Variants in SYT12 observed in about 807,000 individuals in gnomAD.
SYT12 encodes synaptotagmin 12.
SYT12 carries 27 observed loss-of-function variants against 39.5 expected under a neutral mutation model. That is an observed-to-expected ratio of 0.68 (90% CI 0.50 to 0.94). The LOEUF is 0.94. Among genes scored for constraint, SYT12 ranks in the 40% least tolerant of loss-of-function variants. The pLI is 0.00. For missense variants in SYT12, 536 were observed against 572.6 expected, an observed-to-expected ratio of 0.94 and a Z score of 0.65; for synonymous variants, 233 against 239.7, an observed-to-expected ratio of 0.97 and a Z score of 0.26.
chr11:67,046,132 G>A (rs1370102474), intron 7 of SYT12, among the ~76,000 whole-genome samples: 1 of 152,144 alleles, frequency 6.6e-6, no homozygotes, highest in Non-Finnish European at 1.5e-5. Context: ...AGGTGAGGGG[G>A]GATTCCTGCA....
chr11:67,035,558 C>T (rs1299054099), intron 3 of SYT12, among the ~76,000 whole-genome samples: 6 of 148,492 alleles, frequency 4.0e-5, no homozygotes, highest in Admixed American at 2.0e-4. Context: ...CCCGGGTTCA[C>T]GCCATTCTCC....
chr11:67,033,452 G>T (rs901771114), intron 2 of SYT12, among the ~76,000 whole-genome samples: 38 of 152,166 alleles, frequency 2.5e-4, no homozygotes, highest in African/African-American at 7.7e-4. Flanking sequence ...CACCAGGATG[G>T]GTGCTCAATG....
In SYT12 at chr11:67,043,794, G is replaced by A; in HGVS notation, c.778G>A (p.Val260Met). 6.2e-7 allele frequency: 1 copy of A among 1,614,134 alleles called. No homozygotes were observed. Among genetic ancestry groups the A allele is most frequent in the Non-Finnish European group, 8.5e-7 (1 of 1,180,038 alleles). The part of the protein sequence containing the change: ...STGVVELKLS[V>M]LDLPLQPFSG... ...GGGGGTGGTGGAGCTGAAGCTTTCT[G>A]TGCTTGACCTCCCGCTGCAGCCCTT... is the stretch of plus-strand genomic sequence containing the variant. Residue 260 changes from valine (V) to methionine (M), a missense_variant, in exon 5 of 8, where the codon GTG becomes ATG. By Grantham distance (21) the Val-to-Met change is conservative. Transcript: ENST00000527043.
At chr11:67,012,213 A>G (rs1191116158) in intron 3 of SYT12, among the ~76,000 whole-genome samples, 3 of 151,760 alleles carry the variant, frequency 2.0e-5, no homozygotes, top group African/African-American at 7.3e-5. Context: ...TCTACTAAAA[A>G]TACAAAAATT....
rs570345902 is a variant in SYT12, at chr11:67,011,740, G to T, written c.-69+746G>T. ...GATGCCTGATCATCCTTCAGGTCTT[G>T]GTTTTGTTTTTTGTTTGTTGTTTGG... On this transcript the variant is annotated intron_variant, in intron 3 of 10. Transcript: ENST00000393946. 1.4e-3 allele frequency among the ~76,000 whole-genome samples: 217 copies of T among 151,894 alleles called. 1 individual carries two copies. The highest frequency in any genetic ancestry group is 2.5e-3 in the Non-Finnish European group (172 of 67,940).
At chr11:67,018,990 A>G (rs1565327804), upstream of SYT12, among the ~76,000 whole-genome samples, 2 of 152,184 alleles carry the variant, frequency 1.3e-5, no homozygotes, top group South Asian at 4.2e-4. Context: ...AACTGTATTC[A>G]TCGATTTTCA....
intron 3 of SYT12, among the ~76,000 whole-genome samples, chr11:67,011,679 G>C (rs1950014256): frequency 6.6e-6 from 1 of 152,108 alleles, no homozygotes. Context: ...AGTTTCCTCT[G>C]CTTGGACTGT....
intron 4 of SYT12, among the ~76,000 whole-genome samples, chr11:67,040,516 C>G (rs1033838174): frequency 6.6e-6 from 1 of 152,146 alleles, no homozygotes; most frequent in African/African-American, 2.4e-5. Context: ...GGATGACATG[C>G]TTAAGAAGGC....
At chr11:67,034,621 T>C (rs1340298120) in intron 2 of SYT12, 24 bp from the exon 3 acceptor site, 1 of 1,568,320 alleles carries the variant, frequency 6.4e-7, no homozygotes, top group Non-Finnish European at 8.6e-7. Context: ...GAAGCCCTAA[T>C]GAGAGGCTGC....
chr11:67,043,921 CCATCATCCT>C, intron 5 of SYT12, 68 bp downstream of exon 5: 5 of 1,416,342 alleles, frequency 3.5e-6, no homozygotes, highest in Non-Finnish European at 4.9e-6. Context: ...GGAAGGGACT[CCATCATCCT>C]CATCATCCTC....
At chr11:67,008,827 C>A (rs1949990900) in intron 1 of SYT12, among the ~76,000 whole-genome samples, 1 of 152,176 alleles carries the variant, frequency 6.6e-6, no homozygotes, top group Non-Finnish European at 1.5e-5. Flanking sequence ...CAGGCGTGAG[C>A]CACTGCACCC....
chr11:67,041,466 G>T (rs928680249), intron 4 of SYT12, among the ~76,000 whole-genome samples: 1 of 152,088 alleles, frequency 6.6e-6, no homozygotes, highest in African/African-American at 2.4e-5. Flanking sequence ...GTGAGACTCC[G>T]TCTCAAAAAT....
At chr11:67,038,042 CAAA>C (rs373112616) in intron 3 of SYT12, among the ~76,000 whole-genome samples, 2 of 98,188 alleles carry the variant, frequency 2.0e-5, no homozygotes, top group Admixed American at 9.8e-5. Context: ...GACCCTGTCT[CAAA>C]AAAAAAAAAA....
chr11:67,026,992 T>G (rs1201957723), intron 1 of SYT12: 1 of 152,126 alleles, frequency 6.6e-6, no homozygotes, highest in East Asian at 1.9e-4. Flanking sequence ...CACATCTGCT[T>G]TACAGGTGGG....
At chr11:67,021,698 C>A (rs1394528975), upstream of SYT12, among the ~76,000 whole-genome samples, 1 of 152,146 alleles carries the variant, frequency 6.6e-6, no homozygotes, top group Non-Finnish European at 1.5e-5. Flanking sequence ...GCCATTCATT[C>A]CCCAGGCCTG....
At chr11:67,043,519 G>A (rs573250454) in intron 4 of SYT12, 119 bp from the exon 5 acceptor site, 2 of 890,730 alleles carry the variant, frequency 2.2e-6, no homozygotes, top group East Asian at 2.4e-5. Flanking sequence ...TTGGCATTGA[G>A]GGTGTCAAGA....
rs182950242 is a variant in SYT12 at position 67,033,230 on chromosome 11, G to A, written c.35-1415G>A. On this transcript the variant is annotated intron_variant, in intron 2 of 7. Transcript: ENST00000527043. ...CTCTTGACTTCCAGCTCCTGTTGCCGTGGCCTGGCACACTTCTTGCCCCTC... is the reference window on the plus strand; with the variant it reads ...CTCTTGACTTCCAGCTCCTGTTGCCATGGCCTGGCACACTTCTTGCCCCTC... 1.7e-3 allele frequency among the ~76,000 whole-genome samples: 255 copies of A among 149,834 alleles called. 2 individuals carry two copies. Among genetic ancestry groups the A allele is most frequent in the African/African-American group, 6.0e-3 (246 of 40,830 alleles).
chr11:67,035,526 C>G (rs111274886), intron 3 of SYT12, among the ~76,000 whole-genome samples: 1 of 143,852 alleles, frequency 7.0e-6, no homozygotes. Context: ...GGGGCAATCT[C>G]GGCTCACTGC....
intron 3 of SYT12, among the ~76,000 whole-genome samples, chr11:67,038,225 G>A (rs143536844): frequency 0.034 from 5,119 of 151,496 alleles, 273 homozygotes; most frequent in African/African-American, 0.12. Flanking sequence ...GGAGTGCAGC[G>A]GCGCAATCTC....
Sources: allele counts gnomAD v4.1 joint callset (sites outside exome capture counted in the v4.1 genomes callset), GRCh38; gene constraint gnomAD v4.1.1; transcripts MANE v1.5; gene names NCBI Gene and HGNC (gene_info 2026-07-23, HGNC 2026-07-21).